MASTL: variants seen among roughly 807,000 people sequenced by gnomAD.
MASTL encodes the protein microtubule associated serine/threonine kinase like.
MASTL carries 54 observed loss-of-function variants against 82.5 expected under a neutral mutation model. The observed-to-expected ratio is 0.65, with a 90% CI of 0.53 to 0.82. The LOEUF is 0.82. MASTL is among the 40% of genes least tolerant of loss of function. MASTL has a pLI of 0.00. For missense variants in MASTL, 950 were observed against 1,047.8 expected (o/e 0.91, Z 1.29); for synonymous variants, 323 against 368.9 (o/e 0.88, Z 1.43).
intron 6 of MASTL, among the ~76,000 whole-genome samples, 187 bp from the exon 7 acceptor site, chr10:27,166,915 A>G (rs1236593019): frequency 6.6e-6 from 1 of 151,794 alleles, no homozygotes; most frequent in South Asian, 2.1e-4. Context: ...TCTAAACATA[A>G]TGGGAAGCAT....
rs1487212928 is a variant in MASTL, at chr10:27,165,042, A to G, written c.554-22A>G. 5.0e-6 allele frequency: 7 copies of G among 1,394,324 alleles called. 1 individual carries two copies. In the South Asian group the frequency reaches 6.9e-5, roughly 14 times the overall value. The allele number at this position is 1,394,324 out of a possible 1,614,324, so 86.4% of individuals were successfully genotyped here. Reference sequence around the variant, plus strand: ...AGGTAAAGGTTTTAAATACATTTATATACTTTTCTTTGCATACATAGATAT... The same window carrying G: ...AGGTAAAGGTTTTAAATACATTTATGTACTTTTCTTTGCATACATAGATAT... On this transcript the variant is annotated intron_variant, in intron 4 of 11. Transcript: ENST00000375940.
chr10:27,183,186 C>CT (rs1405526656), intron 11 of MASTL, among the ~76,000 whole-genome samples: 1 of 152,112 alleles, frequency 6.6e-6, no homozygotes, highest in Non-Finnish European at 1.5e-5. Context: ...TTATATACCA[C>CT]TCAGTAGTTT....
chr10:27,182,684 A>C (rs1456542476), intron 11 of MASTL, among the ~76,000 whole-genome samples: 1 of 152,162 alleles, frequency 6.6e-6, no homozygotes, highest in Non-Finnish European at 1.5e-5. Context: ...TCGAGGCTAC[A>C]GCGAGCCATG....
intron 8 of MASTL, among the ~76,000 whole-genome samples, chr10:27,172,633 A>G (rs2057986318): frequency 6.6e-6 from 1 of 152,160 alleles, no homozygotes; most frequent in Non-Finnish European, 1.5e-5. Context: ...CAGCCTGGGC[A>G]ACAAGAGCGA....
At chr10:27,157,818 C>T (rs1008747032) in intron 1 of MASTL, among the ~76,000 whole-genome samples, 6 of 151,122 alleles carry the variant, frequency 4.0e-5, no homozygotes, top group African/African-American at 1.5e-4. Context: ...GGCAAACTTC[C>T]GACATTCTTC....
chr10:27,158,141 A>AAG (rs2057454487), intron 1 of MASTL, among the ~76,000 whole-genome samples: 1 of 152,122 alleles, frequency 6.6e-6, no homozygotes, highest in Non-Finnish European at 1.5e-5. Context: ...TCCTGATAGC[A>AAG]GTGTAAGGTC....
Position 27,186,678 on chromosome 10 carries a change from T to C in MASTL, c.*142T>C, listed in dbSNP as rs1456691695. On this transcript the variant is annotated 3_prime_UTR_variant, in exon 12 of 12. Transcript: ENST00000375940. ...GTGCTTTTAATGTACGTTACAGCTT[T>C]CACAGAGTTAAAAGGCTGAAAGGAA... The C allele has an allele frequency of 8.8e-6, 7 of 795,394 alleles. No homozygotes were observed. The East Asian group carries it at 1.5e-4, about 17-fold the overall frequency. The allele number at this position is 795,394 out of a possible 1,614,324, so 49.3% of individuals were successfully genotyped here.
chr10:27,159,578 A>G lies in MASTL; in HGVS notation c.325-41A>G. ...CAAATACTAGATTTTTAAAGTAATC[A>G]TATTGTTTTTATTTCACAATATTAA... On this transcript the variant is annotated intron_variant, in intron 2 of 11. Coordinates refer to ENST00000375940, the MANE Select transcript of MASTL (RefSeq NM_001172303.3). This position sits in a 1 kb window ranked among gnomAD's most constrained non-coding sequence, Gnocchi z 4.0. 3 of 1,354,918 alleles carry G rather than the reference A, an allele frequency of 2.2e-6. No individual in the cohort carries two copies. The highest frequency in any genetic ancestry group is 3.2e-6 in the Non-Finnish European group (3 of 948,672). The allele number at this position is 1,354,918 out of a possible 1,614,324, so 83.9% of individuals were successfully genotyped here.
chr10:27,161,719 G>A (rs1588659239), intron 4 of MASTL, among the ~76,000 whole-genome samples: 1 of 152,134 alleles, frequency 6.6e-6, no homozygotes, highest in East Asian at 1.9e-4. Context: ...ATTATTCTTG[G>A]CTATTCAGAG....
intron 9 of MASTL, among the ~76,000 whole-genome samples, chr10:27,173,911 T>C (rs893255279): frequency 6.6e-6 from 1 of 152,120 alleles, no homozygotes; most frequent in African/African-American, 2.4e-5. Flanking sequence ...TCAGGTTGGA[T>C]GGAGTTTGGG....
chr10:27,181,186 A>G, intron 10 of MASTL, 120 bp downstream of exon 10: 1 of 743,282 alleles, frequency 1.3e-6, no homozygotes, highest in Non-Finnish European at 2.4e-6. Flanking sequence ...GGAGTTCGAG[A>G]CCAGCCTGGC....
intron 1 of MASTL, 132 bp from the exon 2 acceptor site, chr10:27,158,417 G>A: frequency 2.8e-6 from 2 of 712,950 alleles, no homozygotes; most frequent in Non-Finnish European, 4.8e-6. Flanking sequence ...TGAGGTGGGA[G>A]GATAACTTGA....
At chr10:27,180,072 A>G (rs991707407) in intron 9 of MASTL, among the ~76,000 whole-genome samples, 3 of 152,224 alleles carry the variant, frequency 2.0e-5, no homozygotes, top group African/African-American at 4.8e-5. Flanking sequence ...AGTGAAAACA[A>G]TGTGGGTTTT....
intron 4 of MASTL, 137 bp from the exon 5 acceptor site, chr10:27,164,927 C>T (rs2057692924): frequency 1.1e-5 from 7 of 650,088 alleles, no homozygotes; most frequent in Admixed American, 2.3e-5. Flanking sequence ...TGTGAGCCAC[C>T]GTGCCCAGCC....
intron 9 of MASTL, among the ~76,000 whole-genome samples, chr10:27,173,475 A>G (rs1401829647): frequency 6.6e-6 from 1 of 152,170 alleles, no homozygotes; most frequent in Non-Finnish European, 1.5e-5. Context: ...GCTGGAGTAC[A>G]TGTAGTCATT....
chr10:27,165,635 C>T (rs554203963), intron 6 of MASTL, 96 bp downstream of exon 6: 150 of 1,359,758 alleles, frequency 1.1e-4, no homozygotes, highest in Middle Eastern at 5.4e-4. Flanking sequence ...CTTTTTGAGA[C>T]GGAGTCTTAC....
intron 11 of MASTL, among the ~76,000 whole-genome samples, chr10:27,185,330 T>C (rs1269611725): frequency 1.3e-5 from 2 of 152,138 alleles, no homozygotes; most frequent in Non-Finnish European, 2.9e-5. Context: ...GAGTCAGGGA[T>C]TCTTTAACAA....
intron 9 of MASTL, among the ~76,000 whole-genome samples, chr10:27,175,708 C>G (rs545570666): frequency 1.1e-4 from 17 of 152,270 alleles, no homozygotes; most frequent in African/African-American, 4.1e-4. Flanking sequence ...ATTCCCAAAT[C>G]TCTGTCTCTA....
chr10:27,155,288 G>C, upstream of MASTL: 3 of 809,122 alleles, frequency 3.7e-6, no homozygotes, highest in Non-Finnish European at 3.8e-6. Flanking sequence ...CGTAGGGGAG[G>C]TGACGAGGGC....
Sources: gnomAD v4.1 joint callset for allele counts (sites outside exome capture counted in the v4.1 genomes callset) on GRCh38, gnomAD v4.1.1 for gene constraint, Gnocchi (gnomAD v3.1) non-coding constraint, MANE v1.5 for transcripts, NCBI Gene and HGNC (gene_info 2026-07-23, HGNC 2026-07-21) for gene names.